DRD3: variants seen among roughly 807,000 people sequenced by gnomAD.
DRD3 encodes dopamine receptor D3, also known as D(3) dopamine receptor.
A neutral mutation model predicts 36.3 loss-of-function variants in DRD3; 19 were observed. That is an observed-to-expected ratio of 0.52 (90% confidence interval 0.36 to 0.77). The LOEUF is 0.77. Among genes scored for constraint, DRD3 ranks in the 30% least tolerant of loss-of-function variants. The probability of loss-of-function intolerance (pLI) is 0.00; values close to 1 mark genes in which losing one functional copy is unlikely to be tolerated. For missense variants in DRD3, 465 were observed against 505.3 expected (o/e 0.92, Z 0.77); for synonymous variants, 195 against 203.7 (o/e 0.96, Z 0.36).
intron 3 of DRD3, among the ~76,000 whole-genome samples, chr3:114,149,344 C>T (rs2077596014): frequency 6.6e-6 from 1 of 152,150 alleles, no homozygotes; most frequent in Non-Finnish European, 1.5e-5. Context: ...GTAAATTTAT[C>T]CATTGCAATA....
At chr3:114,173,615 C>T (rs1423058957) in intron 1 of DRD3, among the ~76,000 whole-genome samples, 3 of 152,104 alleles carry the variant, frequency 2.0e-5, no homozygotes, top group African/African-American at 7.2e-5. Context: ...AGGCCAGGGT[C>T]CCTGAAGCAG....
intron 5 of DRD3, among the ~76,000 whole-genome samples, chr3:114,137,851 A>T (rs1329699426): frequency 7.4e-6 from 1 of 135,518 alleles, no homozygotes; most frequent in Non-Finnish European, 1.6e-5. Flanking sequence ...AAAAAAAATT[A>T]GCCGGGCGTG....
intron 3 of DRD3, among the ~76,000 whole-genome samples, chr3:114,155,869 C>T (rs1384048413): frequency 1.3e-5 from 2 of 152,100 alleles, no homozygotes; most frequent in Non-Finnish European, 2.9e-5. Flanking sequence ...TTTCCGAAAG[C>T]CTCCTCCCAA....
intron 2 of DRD3, among the ~76,000 whole-genome samples, chr3:114,165,693 A>C (rs190712075): frequency 2.6e-5 from 4 of 152,050 alleles, no homozygotes; most frequent in East Asian, 3.9e-4. Flanking sequence ...GTACTTCTCT[A>C]ATTAGCCTCT....
chr3:114,131,948 A>T (rs2077435173), intron 5 of DRD3, among the ~76,000 whole-genome samples: 1 of 152,220 alleles, frequency 6.6e-6, no homozygotes, highest in Non-Finnish European at 1.5e-5. Context: ...GCACGCTTTT[A>T]CACTGTTGGT....
At chr3:114,190,411 A>AACATATAT (rs1368425474) in intron 1 of DRD3, among the ~76,000 whole-genome samples, 11 of 40,870 alleles carry the variant, frequency 2.7e-4, no homozygotes, top group Non-Finnish European at 3.0e-4. Flanking sequence ...GAAAAAGGAT[A>AACATATAT]ATATATATAT....
chr3:114,133,021 G>A (rs1054587628), intron 5 of DRD3, among the ~76,000 whole-genome samples: 6 of 149,986 alleles, frequency 4.0e-5, no homozygotes, highest in African/African-American at 1.5e-4. Flanking sequence ...ACAGACTTTC[G>A]CTCTTGTTGC....
chr3:114,195,016 A>G (rs946725517), intron 1 of DRD3, among the ~76,000 whole-genome samples: 3 of 152,144 alleles, frequency 2.0e-5, no homozygotes, highest in Admixed American at 2.0e-4. Flanking sequence ...GGTATCTTCA[A>G]TCAGCTCTAA....
intron 2 of DRD3, among the ~76,000 whole-genome samples, chr3:114,168,718 G>T (rs1474613205): frequency 6.6e-6 from 1 of 152,142 alleles, no homozygotes; most frequent in Admixed American, 6.5e-5. Context: ...TGACACCATG[G>T]GGCAGCTGAA....
At chr3:114,188,715 A>C (rs2077988861) in intron 1 of DRD3, among the ~76,000 whole-genome samples, 1 of 152,206 alleles carries the variant, frequency 6.6e-6, no homozygotes, top group South Asian at 2.1e-4. Context: ...CCAGATTTAC[A>C]TCACATGTCC....
At chr3:114,181,923 T>C (rs1456870783), upstream of DRD3, among the ~76,000 whole-genome samples, 1 of 152,202 alleles carries the variant, frequency 6.6e-6, no homozygotes, top group Non-Finnish European at 1.5e-5. Flanking sequence ...TAGGACAGTA[T>C]GGAGACTAAA....
chr3:114,139,629 G>A lies in DRD3; in HGVS notation c.594C>T (p.Tyr198=), dbSNP rs2077506735. 6.2e-7 allele frequency: 1 copy of A among 1,614,194 alleles called. No homozygotes were observed. The highest frequency in any genetic ancestry group is 8.5e-7 in the Non-Finnish European group (1 of 1,180,038). ...CAAGGACAGTCACTCCAAAGGGCAG[G>A]TAGAAGGACACCACTGAAGAGTAGA... ...FVIYSSVVSF[Y]LPFGVTVLVY... The change falls in exon 5 of 7, where the codon TAC becomes TAT. Residue 198 remains tyrosine (Y), a synonymous_variant. Transcript: ENST00000383673.
intron 1 of DRD3, among the ~76,000 whole-genome samples, chr3:114,184,095 T>C (rs2077962273): frequency 6.6e-6 from 1 of 152,222 alleles, no homozygotes; most frequent in Non-Finnish European, 1.5e-5. Context: ...TGGTGAAATG[T>C]TTAATCTCCT....
At chr3:114,156,760 TTTCTTTCTTTCTTTCTTTCTTTC>T (rs2107860701) in intron 3 of DRD3, among the ~76,000 whole-genome samples, 1 of 110,826 alleles carries the variant, frequency 9.0e-6, no homozygotes, top group South Asian at 2.5e-4. Flanking sequence ...TCTTTCTTTC[TTTCTTTCTTTCTTTCTTTCTTTC>T]TTTCTTTCTT....
chr3:114,147,794 AT>A (rs1201568403), intron 3 of DRD3, among the ~76,000 whole-genome samples: 1 of 151,766 alleles, frequency 6.6e-6, no homozygotes, highest in South Asian at 2.1e-4. Context: ...TAATTATTTT[AT>A]TTTTTTGTAG....
At chr3:114,159,544 A>C (rs145239078) in intron 3 of DRD3, among the ~76,000 whole-genome samples, 1 of 152,246 alleles carries the variant, frequency 6.6e-6, no homozygotes, top group East Asian at 1.9e-4. Context: ...AGGAGAAGAA[A>C]GGCCAGGAAA....
At chr3:114,147,348 C>G in intron 4 of DRD3, 67 bp downstream of exon 4, 2 of 1,572,104 alleles carry the variant, frequency 1.3e-6, no homozygotes, top group Non-Finnish European at 8.7e-7. Flanking sequence ...CTGAGCACAA[C>G]TCACAGCCAG....
intron 1 of DRD3, among the ~76,000 whole-genome samples, chr3:114,189,705 A>T (rs1469383261): frequency 6.6e-6 from 1 of 151,970 alleles, no homozygotes; most frequent in Non-Finnish European, 1.5e-5. Context: ...AGTTTTCTCC[A>T]CTCCTTGTTG....
intron 3 of DRD3, among the ~76,000 whole-genome samples, chr3:114,150,622 A>T (rs1003239462): frequency 6.6e-6 from 1 of 152,226 alleles, no homozygotes; most frequent in Non-Finnish European, 1.5e-5. Flanking sequence ...AATCCTGGCC[A>T]GGCTCAGGGA....
Sources: gnomAD v4.1 joint callset for allele counts (sites outside exome capture counted in the v4.1 genomes callset) on GRCh38, gnomAD v4.1.1 for gene constraint, MANE v1.5 for transcripts, NCBI Gene and HGNC (gene_info 2026-07-23, HGNC 2026-07-21) for gene names.